The following VPS13C variants were observed in gnomAD, a reference collection of about 807,000 sequenced individuals.
VPS13C encodes the protein intermembrane lipid transfer protein VPS13C.
In VPS13C, 358 loss-of-function variants were observed where a neutral mutation model predicts 456.8. The observed-to-expected ratio is 0.78, with a 90% confidence interval of 0.72 to 0.86. VPS13C has a LOEUF of 0.86. VPS13C is among the 40% of genes least tolerant of loss of function. The pLI is 0.00. For synonymous variants in VPS13C, 1,578 were observed against 1,486.7 expected, an observed-to-expected ratio of 1.06 and a Z score of -1.41; for missense variants, 4,818 against 4,385.4, an observed-to-expected ratio of 1.10 and a Z score of -2.79.
intron 66 of VPS13C, among the ~76,000 whole-genome samples, chr15:61,904,295 T>C (rs909089418): frequency 8.5e-6 from 1 of 118,172 alleles, no homozygotes; most frequent in Non-Finnish European, 1.9e-5. Context: ...GTGGAGTGTT[T>C]TGAATTCCTT....
chr15:62,032,204 A>T (rs1445462444), intron 5 of VPS13C, among the ~76,000 whole-genome samples: 1 of 151,774 alleles, frequency 6.6e-6, no homozygotes, highest in Non-Finnish European at 1.5e-5. Flanking sequence ...CTTAGCCTTC[A>T]TTTTTATGGT....
chr15:61,892,219 G>C (rs1195461978), intron 66 of VPS13C, among the ~76,000 whole-genome samples: 1 of 152,182 alleles, frequency 6.6e-6, no homozygotes, highest in Non-Finnish European at 1.5e-5. Flanking sequence ...AAGAATTTCT[G>C]CTCTTTATTT....
intron 17 of VPS13C, among the ~76,000 whole-genome samples, 162 bp from the exon 18 acceptor site, chr15:61,991,256 T>C (rs2046215322): frequency 6.6e-6 from 1 of 152,182 alleles, no homozygotes; most frequent in African/African-American, 2.4e-5. Flanking sequence ...TGACCAAACA[T>C]ATTCTATTTG....
At chr15:62,000,703 G>A (rs879760385) in intron 15 of VPS13C, 77 bp from the exon 16 acceptor site, 1 of 1,192,506 alleles carries the variant, frequency 8.4e-7, no homozygotes, top group Non-Finnish European at 1.2e-6. Flanking sequence ...TGATTTCTAG[G>A]CATATCTAGT....
chr15:61,900,099 G>C (rs1436398899), intron 66 of VPS13C, among the ~76,000 whole-genome samples: 1 of 152,116 alleles, frequency 6.6e-6, no homozygotes, highest in Non-Finnish European at 1.5e-5. Context: ...ATTAGGTATT[G>C]ATGGGACGTA....
rs1435269203 is a variant in VPS13C at position 61,989,436 on chromosome 15, T to C, written c.1578+1564A>G. ...ACAGAGAATGAAAATGTACTTTACATTGTGGGCAGACAGACTTGCAACACA... is the reference window on the plus strand; with the variant it reads ...ACAGAGAATGAAAATGTACTTTACACTGTGGGCAGACAGACTTGCAACACA... On this transcript the variant is annotated intron_variant, in intron 18 of 84. Transcript: ENST00000644861. 5.9e-5 allele frequency among the ~76,000 whole-genome samples: 9 copies of C among 151,850 alleles called. No individual in the cohort carries two copies. The East Asian group carries it at 1.7e-3, about 29-fold the overall frequency.
At chr15:61,994,671 C>T (rs2046326411) in intron 16 of VPS13C, among the ~76,000 whole-genome samples, 1 of 151,578 alleles carries the variant, frequency 6.6e-6, no homozygotes. Flanking sequence ...CTCACTGCAA[C>T]CTCCACCTCC....
chr15:61,955,992 A>G (rs1453739727), intron 37 of VPS13C, among the ~76,000 whole-genome samples: 1 of 152,078 alleles, frequency 6.6e-6, no homozygotes, highest in African/African-American at 2.4e-5. Flanking sequence ...CCAAAGAAAA[A>G]TACCTCATTC....
At chr15:61,957,934 A>C (rs2045062754) in intron 37 of VPS13C, among the ~76,000 whole-genome samples, 1 of 152,088 alleles carries the variant, frequency 6.6e-6, no homozygotes. Context: ...TACACTGTTA[A>C]TATTTTTTTA....
chr15:61,982,248 G>A (rs2045909938), intron 21 of VPS13C, among the ~76,000 whole-genome samples: 1 of 152,124 alleles, frequency 6.6e-6, no homozygotes. Context: ...ATGGCAGGAA[G>A]AATCATCTGT....
chr15:61,868,528 C>A lies in VPS13C; in HGVS notation c.10863+131G>T, dbSNP rs568127127. The A allele has an allele frequency of 2.9e-5, 22 of 751,932 alleles. 1 individual carries two copies. The Admixed American group carries it at 5.5e-4, about 19-fold the overall frequency. 46.6% of individuals were successfully genotyped at this position (751,932 alleles called of 1,614,324 possible). ...TGCTAAAATGAAAAACAATCAAATTCTACTCTAGAAACTATGTATAATACT... is the reference window on the plus strand; with the variant it reads ...TGCTAAAATGAAAAACAATCAAATTATACTCTAGAAACTATGTATAATACT... On this transcript the variant is annotated intron_variant, in intron 81 of 84. Transcript: ENST00000644861.
At chr15:62,000,206 A>AC (rs2046559675) in intron 16 of VPS13C, among the ~76,000 whole-genome samples, 1 of 152,024 alleles carries the variant, frequency 6.6e-6, no homozygotes, top group African/African-American at 2.4e-5. Context: ...TACTAAAACT[A>AC]CAAAAAAAAA....
intron 39 of VPS13C, 104 bp from the exon 40 acceptor site, chr15:61,951,128 G>A (rs552102846): frequency 4.7e-6 from 3 of 639,850 alleles, no homozygotes; most frequent in East Asian, 5.7e-5. Context: ...CAAAACTCAG[G>A]ACTGTACACT....
At chr15:61,998,506 T>C (rs2046471230) in intron 16 of VPS13C, among the ~76,000 whole-genome samples, 3 of 152,206 alleles carry the variant, frequency 2.0e-5, no homozygotes, top group Admixed American at 6.5e-5. Flanking sequence ...TTTACATGAA[T>C]TATGAGGTAC....
At chr15:62,041,209 A>G in intron 3 of VPS13C, 115 bp downstream of exon 3, 1 of 1,020,304 alleles carries the variant, frequency 9.8e-7, no homozygotes, top group Non-Finnish European at 1.5e-6. Flanking sequence ...CTAATTAATG[A>G]GGCAAAAAAA....
At chr15:61,947,858 C>T (rs1404405271) in intron 42 of VPS13C, among the ~76,000 whole-genome samples, 1 of 152,002 alleles carries the variant, frequency 6.6e-6, no homozygotes, top group Non-Finnish European at 1.5e-5. Context: ...ACATAAAGGG[C>T]CAACTTAAAA....
chr15:61,856,538 A>G (rs533505320), intron 82 of VPS13C, 129 bp from the exon 83 acceptor site: 41 of 1,074,894 alleles, frequency 3.8e-5, no homozygotes, highest in South Asian at 5.0e-5. Context: ...CACTAAAAAA[A>G]AAACCTGCTT....
At chr15:62,052,293 A>C (rs1248269821) in intron 1 of VPS13C, among the ~76,000 whole-genome samples, 1 of 152,182 alleles carries the variant, frequency 6.6e-6, no homozygotes, top group Non-Finnish European at 1.5e-5. Flanking sequence ...GACACAATTC[A>C]TTTTCCAGGG....
chr15:61,887,195 T>C (rs1185267082), intron 67 of VPS13C, among the ~76,000 whole-genome samples: 1 of 152,160 alleles, frequency 6.6e-6, no homozygotes, highest in African/African-American at 2.4e-5. Flanking sequence ...ATAACAAGAT[T>C]GCAAAAATAT....
Sources: allele counts gnomAD v4.1 joint callset (sites outside exome capture counted in the v4.1 genomes callset), GRCh38; gene constraint gnomAD v4.1.1; transcripts MANE v1.5; gene names NCBI Gene and HGNC (gene_info 2026-07-23, HGNC 2026-07-21).